Variants in FXR1 observed in about 807,000 individuals in gnomAD.
FXR1 encodes RNA-binding protein FXR1.
In FXR1, 15 loss-of-function variants were observed where a neutral mutation model predicts 84.0. The observed-to-expected ratio is 0.18, with a 90% CI of 0.12 to 0.27. The LOEUF (loss-of-function observed/expected upper bound fraction) is 0.27. FXR1 is among the 10% of genes least tolerant of loss of function. The pLI, the probability that FXR1 is intolerant of heterozygous loss-of-function variation, is 1.00. For missense variants in FXR1, 480 were observed against 774.4 expected (o/e 0.62, Z 4.51); for synonymous variants, 245 against 250.7 (o/e 0.98, Z 0.21).
At chr3:180,945,557 A>G (rs1395892985) in intron 3 of FXR1, among the ~76,000 whole-genome samples, 1 of 152,130 alleles carries the variant, frequency 6.6e-6, no homozygotes, top group Admixed American at 6.6e-5. Context: ...GGTGCACGCT[A>G]CGACACCTGG....
At position 180,913,667 on chromosome 3, in the gene FXR1, C is replaced by T. The variant is rs1012173146; in HGVS notation, c.51+931C>T. ...GCGTTCACATATCTGAAAATGAAAT[C>T]CTAATAGTTTATTTTTTGCCACTAT... On this transcript the variant is annotated intron_variant, in intron 1 of 16. Transcript: ENST00000357559. Among the ~76,000 whole-genome samples the T allele has an allele frequency of 3.9e-5, 6 of 152,192 alleles. No individual in the cohort carries two copies. The South Asian group carries it at 1.0e-3, about 26-fold the overall frequency.
intron 13 of FXR1, among the ~76,000 whole-genome samples, chr3:180,967,492 C>T (rs1203078359): frequency 6.6e-6 from 1 of 151,428 alleles, no homozygotes; most frequent in Non-Finnish European, 1.5e-5. Flanking sequence ...ATTTAGGTTA[C>T]TAAAACCCAA....
chr3:180,943,362 A>C (rs1721344669), intron 3 of FXR1, among the ~76,000 whole-genome samples: 1 of 140,272 alleles, frequency 7.1e-6, no homozygotes, highest in Non-Finnish European at 1.5e-5. Context: ...TCCCAGGTTC[A>C]GGCGATTCTC....
chr3:180,919,835 G>A (rs1327412445), intron 1 of FXR1, among the ~76,000 whole-genome samples: 20 of 151,422 alleles, frequency 1.3e-4, no homozygotes, highest in Non-Finnish European at 2.1e-4. Flanking sequence ...CACCACGCCC[G>A]GCTGATTTTT....
At chr3:180,967,943 G>A (rs1713047072) in intron 13 of FXR1, 108 bp from the exon 14 acceptor site, 1 of 704,668 alleles carries the variant, frequency 1.4e-6, no homozygotes, top group Admixed American at 2.4e-5. Context: ...CTTTGAAGCA[G>A]CCAAACAGTA....
At chr3:180,939,459 A>C (rs997460723) in intron 3 of FXR1, among the ~76,000 whole-genome samples, 3 of 152,202 alleles carry the variant, frequency 2.0e-5, no homozygotes, top group African/African-American at 7.2e-5. Context: ...TAAAGGATAC[A>C]AGTCAGGAAC....
At chr3:180,925,310 A>C (rs868561311) in intron 1 of FXR1, among the ~76,000 whole-genome samples, 3 of 151,660 alleles carry the variant, frequency 2.0e-5, no homozygotes, top group African/African-American at 7.3e-5. Flanking sequence ...CAGTGAGCTG[A>C]TATCAGGCCA....
rs1714646937 is a variant in FXR1, at chr3:180,982,285, A to G, written c.*5993A>G. The G allele has an allele frequency of 6.6e-6, 1 of 152,128 alleles. No homozygotes were observed. Among genetic ancestry groups the G allele is most frequent in the African/African-American group, 2.4e-5 (1 of 41,442 alleles). The allele number at this position is 152,128 out of a possible 1,614,324, so 9.4% of individuals were successfully genotyped here. The stretch of plus-strand genomic sequence containing the variant: ...AGATCCAAGTATTTTGTAAGAAAAT[A>G]CCAGCAAAAGATAAAAGTTTTTTTA... On this transcript the variant is annotated 3_prime_UTR_variant, in exon 17 of 17. Coordinates refer to ENST00000357559, the MANE Select transcript of FXR1 (RefSeq NM_005087.4).
At chr3:180,945,435 C>T (rs1335560239) in intron 3 of FXR1, among the ~76,000 whole-genome samples, 1 of 152,152 alleles carries the variant, frequency 6.6e-6, no homozygotes, top group South Asian at 2.1e-4. Flanking sequence ...GACAGGGTCT[C>T]GTTCTGTCAC....
chr3:180,979,721 C>G lies in FXR1; in HGVS notation c.*3429C>G, dbSNP rs1333210721. 1 of 152,014 alleles carries G rather than the reference C, an allele frequency of 6.6e-6. No homozygotes were observed. Among genetic ancestry groups the G allele is most frequent in the Non-Finnish European group, 1.5e-5 (1 of 67,968 alleles). The allele number at this position is 152,014 out of a possible 1,614,324, so 9.4% of individuals were successfully genotyped here. On this transcript the variant is annotated 3_prime_UTR_variant, in exon 17 of 17. Coordinates refer to ENST00000357559, the MANE Select transcript of FXR1 (RefSeq NM_005087.4). ...AGACTGTTAGCAAGTGGTGTTAAAA[C>G]TGATTTAAGTCCATTACACTGAACA...
intron 1 of FXR1, among the ~76,000 whole-genome samples, chr3:180,919,773 A>G (rs977888277): frequency 6.6e-6 from 1 of 152,060 alleles, no homozygotes; most frequent in Non-Finnish European, 1.5e-5. Context: ...TCCCGGGTTC[A>G]AGCAATTCTC....
rs1420885583 is a variant in FXR1 at position 180,937,347 on chromosome 3, CTT to C, written c.198+2117_198+2118del. ...GTCTCAGATTAAAGGGAAAACTACTCTTGGTGGGGTGGTGAGGGTGTTGTTAC... is the reference window on the plus strand; with the variant it reads ...GTCTCAGATTAAAGGGAAAACTACTCGGTGGGGTGGTGAGGGTGTTGTTAC... On this transcript the variant is annotated intron_variant, in intron 3 of 16. Coordinates refer to ENST00000357559, the MANE Select transcript of FXR1 (RefSeq NM_005087.4). Among the ~76,000 whole-genome samples the C allele has an allele frequency of 1.3e-4, 20 of 152,140 alleles. 1 individual carries two copies. In the East Asian group the frequency reaches 3.9e-3, roughly 29 times the overall value.
At position 180,920,881 on chromosome 3, in the gene FXR1, A is replaced by G. The variant is rs114636347; in HGVS notation, c.51+8145A>G. Among the ~76,000 whole-genome samples the G allele has an allele frequency of 3.9e-3, 591 of 152,256 alleles. 2 individuals carry two copies. Among genetic ancestry groups the G allele is most frequent in the African/African-American group, 0.014 (575 of 41,554 alleles). On this transcript the variant is annotated intron_variant, in intron 1 of 16. Coordinates refer to ENST00000357559, the MANE Select transcript of FXR1 (RefSeq NM_005087.4). Reference sequence around the variant, plus strand: ...TTCAAAGAGAACTGTTAGATAATACATACAAATGGGTGAACCTAACAAGCC... The same window carrying G: ...TTCAAAGAGAACTGTTAGATAATACGTACAAATGGGTGAACCTAACAAGCC...
intron 15 of FXR1, among the ~76,000 whole-genome samples, chr3:180,973,053 G>A (rs1268101153): frequency 6.6e-6 from 1 of 152,140 alleles, no homozygotes; most frequent in Non-Finnish European, 1.5e-5. Context: ...GTGTCCAGTT[G>A]ATTAACTTGG....
At chr3:180,935,031 C>A in intron 2 of FXR1, 107 bp from the exon 3 acceptor site, 3 of 548,842 alleles carry the variant, frequency 5.5e-6, no homozygotes, top group Non-Finnish European at 9.9e-6. Context: ...TGTTGTTTTC[C>A]TTCTCTTTAG....
rs1337496204 is a variant in FXR1, at chr3:180,932,086, A to AAAAAAAC, written c.52-1244_52-1243insAACAAAA. On this transcript the variant is annotated intron_variant, in intron 1 of 16. Coordinates refer to ENST00000357559, the MANE Select transcript of FXR1 (RefSeq NM_005087.4). Reference sequence around the variant, plus strand: ...TACTTTGTAAGTTTCAAAAAAAAAAAAAAACAACTTTTTTGTTGTTGTAAG... The same window carrying AAAAAAAC: ...TACTTTGTAAGTTTCAAAAAAAAAAAAAAAAACAAAACAACTTTTTTGTTGTTGTAAG... Among the ~76,000 whole-genome samples, 3 of 150,494 alleles carry AAAAAAAC rather than the reference A, an allele frequency of 2.0e-5. No individual in the cohort carries two copies. The East Asian group carries it at 5.8e-4, about 29-fold the overall frequency.
At chr3:180,925,728 CTG>C (rs1719096011) in intron 1 of FXR1, among the ~76,000 whole-genome samples, 1 of 152,128 alleles carries the variant, frequency 6.6e-6, no homozygotes, top group African/African-American at 2.4e-5. Context: ...GAAAGGTAGA[CTG>C]GGGCCAGAGT....
intron 10 of FXR1, among the ~76,000 whole-genome samples, chr3:180,959,307 A>G (rs1034700760): frequency 6.7e-6 from 1 of 149,504 alleles, no homozygotes; most frequent in Non-Finnish European, 1.5e-5. Context: ...TTTTGGTCAT[A>G]TCATTAATGC....
At position 180,931,741 on chromosome 3, in the gene FXR1, T is replaced by G. The variant is rs912136103; in HGVS notation, c.52-1593T>G. On this transcript the variant is annotated intron_variant, in intron 1 of 16. Transcript: ENST00000357559. ...CCCTTAAAAATTAGTTGTTGTGGGT[T>G]TTTTTTTTTTTTTTTTTTGGAGATG... is the stretch of plus-strand genomic sequence containing the variant. Among the ~76,000 whole-genome samples, 312 of 43,734 alleles carry G rather than the reference T, an allele frequency of 7.1e-3. 1 individual carries two copies. Among genetic ancestry groups the G allele is most frequent in the African/African-American group, 0.034 (299 of 8,694 alleles). 28.7% of individuals were successfully genotyped at this position (43,734 alleles called of 152,430 possible).
Sources: allele counts gnomAD v4.1 joint callset (sites outside exome capture counted in the v4.1 genomes callset), GRCh38; gene constraint gnomAD v4.1.1; transcripts MANE v1.5; gene names NCBI Gene and HGNC (gene_info 2026-07-23, HGNC 2026-07-21).